OPCML: variants seen among roughly 807,000 people sequenced by gnomAD.
The protein encoded by OPCML is opioid binding protein/cell adhesion molecule like.
Under a neutral mutation model 37.8 loss-of-function variants are expected in OPCML, and 13 were observed. That is an observed-to-expected ratio of 0.34 (90% CI 0.22 to 0.55). OPCML has a LOEUF of 0.55. OPCML is among the 20% of genes least tolerant of loss of function. OPCML has a pLI of 0.91. For synonymous variants in OPCML, 176 were observed against 168.8 expected, an observed-to-expected ratio of 1.04 and a Z score of -0.33; for missense variants, 341 against 435.6, an observed-to-expected ratio of 0.78 and a Z score of 1.93.
chr11:133,261,773 T>C lies in OPCML; in HGVS notation c.61+270491A>G, dbSNP rs114283302. Among the ~76,000 whole-genome samples, 1,426 of 152,338 alleles carry C rather than the reference T, an allele frequency of 9.4e-3. 20 individuals carry two copies. The highest frequency in any genetic ancestry group is 0.032 in the African/African-American group (1,338 of 41,572). On this transcript the variant is annotated intron_variant, in intron 1 of 7. Transcript: ENST00000524381. ...AGAGAAGAAATACATTATTCTGCTC[T>C]CCTCTACTTCAATTGCCTTCTTCTG... is the stretch of plus-strand genomic sequence containing the variant.
At chr11:132,884,213 T>C (rs1043961530) in intron 2 of OPCML, among the ~76,000 whole-genome samples, 4 of 152,204 alleles carry the variant, frequency 2.6e-5, no homozygotes, top group African/African-American at 9.7e-5. Context: ...TGTGCCCACC[T>C]TTCTGGGGTG....
At chr11:133,497,095 G>A (rs79968430) in intron 1 of OPCML, among the ~76,000 whole-genome samples, 7,810 of 152,214 alleles carry the variant, frequency 0.051, 335 homozygotes, top group African/African-American at 0.11. Flanking sequence ...ATTTTGCTGA[G>A]AGTTTTAATC....
intron 1 of OPCML, among the ~76,000 whole-genome samples, chr11:133,132,831 TA>T (rs1176043562): frequency 3.4e-5 from 5 of 147,210 alleles, no homozygotes; most frequent in Non-Finnish European, 7.4e-5. Context: ...AAGCGATCAG[TA>T]TTTTCCTGGG....
chr11:132,858,557 CAA>C (rs1181482107), intron 2 of OPCML, among the ~76,000 whole-genome samples: 2 of 152,182 alleles, frequency 1.3e-5, no homozygotes, highest in African/African-American at 4.8e-5. Flanking sequence ...CCACCCAACC[CAA>C]GAGGGATTTC....
chr11:133,111,053 C>T (rs190024264), intron 1 of OPCML, among the ~76,000 whole-genome samples: 78 of 152,246 alleles, frequency 5.1e-4, no homozygotes, highest in Admixed American at 2.6e-3. Flanking sequence ...GAACAGCCCC[C>T]AAATAAGGAG....
At chr11:132,953,475 G>A (rs956837056) in intron 1 of OPCML, among the ~76,000 whole-genome samples, 7 of 152,148 alleles carry the variant, frequency 4.6e-5, no homozygotes, top group South Asian at 2.1e-4. Flanking sequence ...TAAAGGGACC[G>A]ATTTCCGCAA....
chr11:133,074,136 A>G (rs1948586631), intron 1 of OPCML, among the ~76,000 whole-genome samples: 1 of 152,204 alleles, frequency 6.6e-6, no homozygotes, highest in Admixed American at 6.5e-5. Flanking sequence ...GTCAATCCAC[A>G]TTTCTTTCTT....
At chr11:133,385,080 G>T (rs2062533461) in intron 1 of OPCML, among the ~76,000 whole-genome samples, 1 of 152,200 alleles carries the variant, frequency 6.6e-6, no homozygotes, top group Admixed American at 6.5e-5. Flanking sequence ...ATGCAGAAGG[G>T]AGGGTGGGGG....
At chr11:133,457,353 G>A (rs1256796090) in intron 1 of OPCML, among the ~76,000 whole-genome samples, 1 of 152,020 alleles carries the variant, frequency 6.6e-6, no homozygotes, top group East Asian at 1.9e-4. Flanking sequence ...GCAGCATAGT[G>A]AGACTCCATC....
intron 2 of OPCML, among the ~76,000 whole-genome samples, chr11:132,828,353 C>T (rs770342734): frequency 7.2e-5 from 11 of 152,048 alleles, no homozygotes; most frequent in Non-Finnish European, 1.2e-4. Context: ...CCAGCGAGCG[C>T]ACAGCACCAA....
intron 1 of OPCML, among the ~76,000 whole-genome samples, chr11:132,944,017 G>A (rs571076537): frequency 0.017 from 2,531 of 151,928 alleles, 75 homozygotes; most frequent in African/African-American, 0.058. Flanking sequence ...GGGCGGCGCG[G>A]ACTGCGCGCT....
At position 133,415,244 on chromosome 11, in the gene OPCML, C is replaced by CA. The variant is rs544290848; in HGVS notation, c.61+117019dup. Among the ~76,000 whole-genome samples the CA allele has an allele frequency of 2.4e-3, 366 of 151,896 alleles. 2 individuals carry two copies. The highest frequency in any genetic ancestry group is 8.2e-3 in the African/African-American group (338 of 41,434). On this transcript the variant is annotated intron_variant, in intron 1 of 7. Coordinates refer to ENST00000524381, the MANE Select transcript of OPCML (RefSeq NM_001012393.5). ...CTAACATGGTGAAACCCAGTCTCTA[C>CA]AAAAAAATACAAAAAATTAGCCCGG... is the stretch of plus-strand genomic sequence containing the variant.
At chr11:132,555,450 A>G (rs575063857) in intron 3 of OPCML, among the ~76,000 whole-genome samples, 1 of 152,248 alleles carries the variant, frequency 6.6e-6, no homozygotes, top group South Asian at 2.1e-4. Flanking sequence ...CAAAAACAAT[A>G]TGGGAGAAAC....
chr11:132,803,439 T>C (rs1007498184), intron 2 of OPCML, among the ~76,000 whole-genome samples: 2 of 152,116 alleles, frequency 1.3e-5, no homozygotes, highest in African/African-American at 4.8e-5. Context: ...GGGATAAAAA[T>C]AAGAATGAAT....
intron 1 of OPCML, among the ~76,000 whole-genome samples, chr11:133,079,113 T>C (rs1489131812): frequency 6.6e-6 from 1 of 152,156 alleles, no homozygotes; most frequent in Non-Finnish European, 1.5e-5. Context: ...CCCGCCTGAA[T>C]TGATCTCCGG....
chr11:133,174,402 G>C lies in OPCML; in HGVS notation c.62-231392C>G, dbSNP rs1224829392. 6.6e-6 allele frequency among the ~76,000 whole-genome samples: 1 copy of C among 152,100 alleles called. No homozygotes were observed. Among genetic ancestry groups the C allele is most frequent in the Non-Finnish European group, 1.5e-5 (1 of 68,036 alleles). On this transcript the variant is annotated intron_variant, in intron 1 of 7. Coordinates refer to ENST00000524381, the MANE Select transcript of OPCML (RefSeq NM_001012393.5). The surrounding 1 kb of genome is among the most constrained non-coding windows in gnomAD (Gnocchi z 4.6). ...CTGTGCCTGGTAGTGAAATAAGGCA[G>C]CTAAACCTTACCTCTGGATATAGGA... is the stretch of plus-strand genomic sequence containing the variant.
intron 1 of OPCML, among the ~76,000 whole-genome samples, chr11:133,236,856 G>A (rs942574674): frequency 2.0e-5 from 3 of 151,718 alleles, no homozygotes; most frequent in African/African-American, 7.2e-5. Flanking sequence ...AGAATGTGAG[G>A]TCCCATTCCA....
chr11:133,048,857 T>A lies in OPCML; in HGVS notation c.62-105847A>T, dbSNP rs541741886. On this transcript the variant is annotated intron_variant, in intron 1 of 7. Transcript: ENST00000524381. ...TTTCCCAGAATGCCACTGTACATAA[T>A]GTGCATTTTGACCATAAAGTGCCAA... Among the ~76,000 whole-genome samples the A allele has an allele frequency of 1.7e-4, 26 of 152,332 alleles. No homozygotes were observed. The South Asian group carries it at 4.3e-3, about 25-fold the overall frequency.
chr11:132,758,201 C>T (rs569112657), intron 2 of OPCML, among the ~76,000 whole-genome samples: 2 of 152,166 alleles, frequency 1.3e-5, no homozygotes, highest in African/African-American at 2.4e-5. Context: ...ATTTTGGTTA[C>T]TGTAGCCTTC....
Sources: allele counts gnomAD v4.1 joint callset (sites outside exome capture counted in the v4.1 genomes callset), GRCh38; gene constraint gnomAD v4.1.1; non-coding constraint Gnocchi (gnomAD v3.1); transcripts MANE v1.5; gene names NCBI Gene and HGNC (gene_info 2026-07-23, HGNC 2026-07-21).